ACBD6: variants seen among roughly 807,000 people sequenced by gnomAD.
The protein encoded by ACBD6 is acyl-CoA binding domain containing 6, also known as acyl-CoA-binding domain-containing protein 6.
In ACBD6, 28 loss-of-function variants were observed where a neutral mutation model predicts 37.2. The observed-to-expected ratio is 0.75, with a 90% CI of 0.56 to 1.03. ACBD6 has a LOEUF of 1.03. Ranked by LOEUF, ACBD6 falls within the 50% of genes least tolerant of loss-of-function variation. ACBD6 has a pLI of 0.00. For missense variants in ACBD6, 340 were observed against 337.4 expected (o/e 1.01, Z -0.06); for synonymous variants, 113 against 126.8 (o/e 0.89, Z 0.73).
At chr1:180,284,012 A>G (rs753562123), downstream of ACBD6, among the ~76,000 whole-genome samples, 30 of 152,178 alleles carry the variant, frequency 2.0e-4, no homozygotes, top group Non-Finnish European at 3.5e-4. Context: ...CCCAATAACT[A>G]TACATGATTC....
intron 7 of ACBD6, among the ~76,000 whole-genome samples, chr1:180,298,978 G>A (rs1376430584): frequency 6.6e-6 from 1 of 152,224 alleles, no homozygotes; most frequent in Non-Finnish European, 1.5e-5. Flanking sequence ...CATCCATTAT[G>A]TTTATGTTAG....
At position 180,279,523 on chromosome 1, in the gene ACBD6, C is replaced by T. The variant is rs558679621; in HGVS notation, c.*174+1783G>A. Among the ~76,000 whole-genome samples, 3 of 152,262 alleles carry T rather than the reference C, an allele frequency of 2.0e-5. No homozygotes were observed. The South Asian group carries it at 6.2e-4, about 31-fold the overall frequency. The stretch of plus-strand genomic sequence containing the variant: ...ACGTTGGCCAGGCTGGTCTCGAACT[C>T]CTGACCTCAAGTGATCCGCCCACCT... On this transcript the variant is annotated intron_variant, in intron 9 of 13. Coordinates refer to the ACBD6 transcript ENST00000642319.
intron 5 of ACBD6, among the ~76,000 whole-genome samples, chr1:180,402,493 C>G (rs190424337): frequency 9.2e-5 from 14 of 152,180 alleles, no homozygotes; most frequent in Admixed American, 7.2e-4. Flanking sequence ...GCTTATTTGT[C>G]AGGAAATTGA....
chr1:180,369,204 C>T (rs1487924362), intron 6 of ACBD6, among the ~76,000 whole-genome samples: 1 of 152,224 alleles, frequency 6.6e-6, no homozygotes, highest in East Asian at 1.9e-4. Context: ...GCAGCCTACG[C>T]AGGGCTCCAA....
intron 4 of ACBD6, among the ~76,000 whole-genome samples, chr1:180,424,320 A>G (rs1648496238): frequency 6.6e-6 from 1 of 152,226 alleles, no homozygotes; most frequent in Admixed American, 6.5e-5. Flanking sequence ...ATACTAGCAT[A>G]TAATAAATGG....
chr1:180,487,935 A>G (rs1651339459), intron 3 of ACBD6, among the ~76,000 whole-genome samples: 1 of 152,208 alleles, frequency 6.6e-6, no homozygotes, highest in African/African-American at 2.4e-5. Context: ...TACTAGCCAC[A>G]GTTTCAGGTA....
At chr1:180,345,869 T>C (rs1043486762) in intron 6 of ACBD6, among the ~76,000 whole-genome samples, 1 of 152,220 alleles carries the variant, frequency 6.6e-6, no homozygotes, top group Non-Finnish European at 1.5e-5. Flanking sequence ...TATTCTGATA[T>C]TTCTATTATG....
intron 3 of ACBD6, among the ~76,000 whole-genome samples, chr1:180,458,400 A>G (rs1336268357): frequency 6.6e-6 from 1 of 152,244 alleles, no homozygotes; most frequent in Non-Finnish European, 1.5e-5. Flanking sequence ...ATATTAATCA[A>G]GACACCTGCT....
At chr1:180,407,474 CT>C (rs1325295898) in intron 5 of ACBD6, among the ~76,000 whole-genome samples, 3 of 152,192 alleles carry the variant, frequency 2.0e-5, no homozygotes, top group Admixed American at 6.5e-5. Flanking sequence ...TATTCCACCC[CT>C]ATCACTGTTG....
At position 180,274,114 on chromosome 1, in the gene ACBD6, T is replaced by G; in HGVS notation, c.*937-2A>C. ...CATCTTTCCTGGTCATGTGTGTTCC[T>G]AGGTTGTGAAGAGCAGGGGACCATC... On this transcript the variant is annotated splice_acceptor_variant, in intron 10 of 13. Coordinates refer to the ACBD6 transcript ENST00000642319. LOFTEE classifies it low-confidence loss of function (3UTR_SPLICE). 1 of 1,584,830 alleles carries G rather than the reference T, an allele frequency of 6.3e-7. No individual in the cohort carries two copies. Among genetic ancestry groups the G allele is most frequent in the Non-Finnish European group, 8.7e-7 (1 of 1,154,218 alleles).
In ACBD6 at chr1:180,412,248, T is replaced by G. The variant is rs1400026081; in HGVS notation, c.573+1118A>C. ...TTGTGCAGTATCATAGTCTTACATT[T>G]TCAATTCCAGACACCATTGACAATA... On this transcript the variant is annotated intron_variant, in intron 5 of 7. Coordinates refer to ENST00000367595, the MANE Select transcript of ACBD6 (RefSeq NM_032360.4). Among the ~76,000 whole-genome samples the G allele has an allele frequency of 2.6e-5, 4 of 152,302 alleles. No homozygotes were observed. The East Asian group carries it at 7.7e-4, about 29-fold the overall frequency.
intron 6 of ACBD6, among the ~76,000 whole-genome samples, chr1:180,360,071 C>CT (rs1328485754): frequency 6.6e-6 from 1 of 151,968 alleles, no homozygotes; most frequent in Non-Finnish European, 1.5e-5. Flanking sequence ...ATAAAAAGAA[C>CT]TTTTTTAATA....
chr1:180,474,880 C>T lies in ACBD6; in HGVS notation c.384+17389G>A, dbSNP rs188288383. Among the ~76,000 whole-genome samples the T allele has an allele frequency of 3.0e-3, 456 of 152,304 alleles. 1 individual carries two copies. The highest frequency in any genetic ancestry group is 4.7e-3 in the Non-Finnish European group (320 of 68,022). On this transcript the variant is annotated intron_variant, in intron 3 of 7. Transcript: ENST00000367595. ...CATTTAAAATGATCCAGTGTTGTCTCCCTATAATTTACTGTCCAACTGGGA... is the reference window on the plus strand; with the variant it reads ...CATTTAAAATGATCCAGTGTTGTCTTCCTATAATTTACTGTCCAACTGGGA...
intron 5 of ACBD6, among the ~76,000 whole-genome samples, chr1:180,398,448 T>C (rs1427631480): frequency 6.6e-6 from 1 of 152,194 alleles, no homozygotes; most frequent in Non-Finnish European, 1.5e-5. Flanking sequence ...AAAATAAGCA[T>C]TTCTCCTTAC....
chr1:180,408,478 A>G (rs544014206), intron 5 of ACBD6, among the ~76,000 whole-genome samples: 1 of 152,170 alleles, frequency 6.6e-6, no homozygotes, highest in African/African-American at 2.4e-5. Context: ...ATGAGAACAC[A>G]TGGACATAGG....
chr1:180,386,013 T>C (rs534974696), intron 6 of ACBD6, among the ~76,000 whole-genome samples: 20 of 152,124 alleles, frequency 1.3e-4, no homozygotes, highest in Non-Finnish European at 2.5e-4. Context: ...CTACTAAAAA[T>C]ACAAAAATTA....
At chr1:180,410,730 C>G (rs148215406) in intron 5 of ACBD6, among the ~76,000 whole-genome samples, 29 of 152,170 alleles carry the variant, frequency 1.9e-4, no homozygotes, top group African/African-American at 6.7e-4. Flanking sequence ...TCCAAGAGTG[C>G]TCATGGAAAT....
At chr1:180,370,977 CTTGT>C (rs1418232002) in intron 6 of ACBD6, among the ~76,000 whole-genome samples, 3 of 152,082 alleles carry the variant, frequency 2.0e-5, no homozygotes, top group East Asian at 1.9e-4. Context: ...GTTGGACTGC[CTTGT>C]TTATTAGTTC....
At chr1:180,297,595 C>CTT (rs1441487837) in intron 7 of ACBD6, among the ~76,000 whole-genome samples, 1 of 152,154 alleles carries the variant, frequency 6.6e-6, no homozygotes, top group Non-Finnish European at 1.5e-5. Flanking sequence ...GCTCCTGAGA[C>CTT]TCAAGAGCTA....
Sources: allele counts gnomAD v4.1 joint callset (sites outside exome capture counted in the v4.1 genomes callset), GRCh38; gene constraint gnomAD v4.1.1; transcripts MANE v1.5; gene names NCBI Gene and HGNC (gene_info 2026-07-23, HGNC 2026-07-21).